MTUS1: variants seen among roughly 807,000 people sequenced by gnomAD.
MTUS1 encodes microtubule associated scaffold protein 1, also known as microtubule-associated tumor suppressor 1.
Under a neutral mutation model 120.8 loss-of-function variants are expected in MTUS1, and 109 were observed. The ratio of observed to expected loss-of-function variants is 0.90; its 90% confidence interval spans 0.77 to 1.06. The LOEUF is 1.06. MTUS1 is among the 50% of genes least tolerant of loss of function. The probability of loss-of-function intolerance (pLI) is 0.00; values close to 1 mark genes in which losing one functional copy is unlikely to be tolerated. For synonymous variants in MTUS1, 737 were observed against 550.5 expected (o/e 1.34, Z -4.74); for missense variants, 2,210 against 1,486.3 (o/e 1.49, Z -8.01).
intron 7 of MTUS1, among the ~76,000 whole-genome samples, chr8:17,684,073 A>G (rs1815206112): frequency 6.6e-6 from 1 of 152,174 alleles, no homozygotes; most frequent in African/African-American, 2.4e-5. Context: ...CGTAAGAGGC[A>G]ATTATGTTTT....
intron 10 of MTUS1, 199 bp downstream of exon 10, chr8:17,654,362 T>G: frequency 1.7e-6 from 1 of 581,334 alleles, no homozygotes. Flanking sequence ...AAGGCTGGCA[T>G]TTGTAACTAT....
chr8:17,790,895 G>A (rs1173552079), intron 1 of MTUS1, among the ~76,000 whole-genome samples: 1 of 152,134 alleles, frequency 6.6e-6, no homozygotes, highest in Non-Finnish European at 1.5e-5. Flanking sequence ...GCTGAGGCAG[G>A]AGAATCGCTT....
chr8:17,761,162 A>T (rs1246886604), intron 1 of MTUS1, among the ~76,000 whole-genome samples: 1 of 152,194 alleles, frequency 6.6e-6, no homozygotes, highest in Non-Finnish European at 1.5e-5. Context: ...ATTAGTAAAT[A>T]TGTGCTGAAA....
chr8:17,679,372 T>G (rs1483659803), intron 7 of MTUS1, among the ~76,000 whole-genome samples: 3 of 151,998 alleles, frequency 2.0e-5, no homozygotes, highest in Non-Finnish European at 4.4e-5. Flanking sequence ...TGTGTGTGTG[T>G]GTGTGTATAA....
chr8:17,716,847 C>T (rs1359559582), intron 4 of MTUS1, among the ~76,000 whole-genome samples: 2 of 152,216 alleles, frequency 1.3e-5, no homozygotes, highest in Non-Finnish European at 2.9e-5. Context: ...AGCCACCGCA[C>T]CTAGCCTGTT....
chr8:17,658,869 G>A (rs913885036), intron 8 of MTUS1, among the ~76,000 whole-genome samples: 2 of 151,894 alleles, frequency 1.3e-5, no homozygotes, highest in African/African-American at 4.8e-5. Context: ...AGGAAAAGGA[G>A]GCCACATTGA....
chr8:17,653,348 AG>A, intron 11 of MTUS1, 67 bp from the exon 12 acceptor site: 2 of 1,512,734 alleles, frequency 1.3e-6, no homozygotes, highest in Non-Finnish European at 9.0e-7. Context: ...ATACGTACAC[AG>A]AAACATTAAA....
intron 8 of MTUS1, among the ~76,000 whole-genome samples, chr8:17,657,517 G>A (rs1453731550): frequency 5.3e-5 from 8 of 150,030 alleles, no homozygotes; most frequent in African/African-American, 1.5e-4. Context: ...GCAGTGAGCC[G>A]AGATCCCGCC....
At chr8:17,656,184 T>C (rs1292727947) in intron 8 of MTUS1, 119 bp from the exon 9 acceptor site, 2 of 862,728 alleles carry the variant, frequency 2.3e-6, no homozygotes, top group Non-Finnish European at 3.7e-6. Flanking sequence ...ATGTCTTGGG[T>C]CTCTAGTGAC....
intron 4 of MTUS1, among the ~76,000 whole-genome samples, chr8:17,720,721 A>G (rs928894056): frequency 6.6e-6 from 1 of 152,222 alleles, no homozygotes; most frequent in African/African-American, 2.4e-5. Flanking sequence ...GACATACAAT[A>G]TATCATTTAT....
chr8:17,724,828 C>A (rs1000568359), intron 3 of MTUS1, among the ~76,000 whole-genome samples: 20 of 152,186 alleles, frequency 1.3e-4, no homozygotes, highest in African/African-American at 4.8e-4. Flanking sequence ...CCCTATCTTC[C>A]TTCTGAATCT....
chr8:17,661,941 A>T lies in MTUS1; in HGVS notation c.2906-5876T>A, dbSNP rs191438474. Among the ~76,000 whole-genome samples, 938 of 152,282 alleles carry T rather than the reference A, an allele frequency of 6.2e-3. 10 individuals are homozygous for T. The highest frequency in any genetic ancestry group is 0.021 in the African/African-American group (882 of 41,554). ...AAGGAAGTGGCCTGGGCTGCGAAGG[A>T]AACATTTATTTGGCATAAAGACTCA... On this transcript the variant is annotated intron_variant, in intron 8 of 14. Coordinates refer to ENST00000693296, the MANE Select transcript of MTUS1 (RefSeq NM_001363059.2).
intron 6 of MTUS1, chr8:17,691,478 C>G (rs1816929249): frequency 6.6e-6 from 1 of 152,266 alleles, no homozygotes; most frequent in African/African-American, 2.4e-5. Context: ...TGCCATTCAT[C>G]ACACCAGTTC....
At chr8:17,749,533 C>T (rs1261617672) in intron 2 of MTUS1, among the ~76,000 whole-genome samples, 2 of 151,644 alleles carry the variant, frequency 1.3e-5, no homozygotes, top group African/African-American at 4.8e-5. Context: ...TGGTGGTCCT[C>T]ACCTGTAATC....
chr8:17,735,992 C>T (rs978943639), intron 3 of MTUS1, among the ~76,000 whole-genome samples: 32 of 152,180 alleles, frequency 2.1e-4, no homozygotes, highest in African/African-American at 7.7e-4. Context: ...TTAGACACCC[C>T]CTTATCCCCT....
intron 12 of MTUS1, among the ~76,000 whole-genome samples, chr8:17,650,175 G>A (rs531017678): frequency 1.6e-4 from 25 of 152,304 alleles, no homozygotes; most frequent in African/African-American, 6.0e-4. Context: ...TTATTTATCA[G>A]TAACTTAATA....
intron 1 of MTUS1, among the ~76,000 whole-genome samples, chr8:17,798,374 C>T (rs576280122): frequency 1.3e-5 from 2 of 152,110 alleles, no homozygotes; most frequent in East Asian, 1.9e-4. Context: ...GCCCTGTTGC[C>T]CAGGCTGGAG....
chr8:17,657,484 C>T (rs1169862263), intron 8 of MTUS1, among the ~76,000 whole-genome samples: 13 of 149,676 alleles, frequency 8.7e-5, no homozygotes, highest in African/African-American at 1.5e-4. Context: ...AGGAGAATGG[C>T]GTGAACCCGG....
chr8:17,776,969 C>CTTAA (rs1320838417), intron 1 of MTUS1, among the ~76,000 whole-genome samples: 1 of 152,124 alleles, frequency 6.6e-6, no homozygotes, highest in Non-Finnish European at 1.5e-5. Context: ...TGATATCTTA[C>CTTAA]TTAAAATGGA....
Sources: gnomAD v4.1 joint callset for allele counts (sites outside exome capture counted in the v4.1 genomes callset) on GRCh38, gnomAD v4.1.1 for gene constraint, MANE v1.5 for transcripts, NCBI Gene and HGNC (gene_info 2026-07-23, HGNC 2026-07-21) for gene names.